STAU1: variants seen among roughly 807,000 people sequenced by gnomAD.
STAU1 encodes double-stranded RNA-binding protein Staufen homolog 1.
STAU1 carries 13 observed loss-of-function variants against 62.9 expected under a neutral mutation model. The ratio of observed to expected loss-of-function variants is 0.21; its 90% CI spans 0.13 to 0.33. STAU1 has a LOEUF of 0.33. Ranked by LOEUF, STAU1 falls within the 10% of genes least tolerant of loss-of-function variation. The pLI, the probability that STAU1 is intolerant of heterozygous loss-of-function variation, is 1.00. For missense variants in STAU1, 571 were observed against 712.1 expected (o/e 0.80, Z 2.25); for synonymous variants, 269 against 265.1 (o/e 1.01, Z -0.14).
the STAU1 span, among the ~76,000 whole-genome samples, chr20:49,206,387 A>G: frequency 2.2e-5 from 3 of 136,980 alleles, no homozygotes. Context: ...TGTCCACTCA[A>G]CTCTTCCTCT....
At chr20:49,118,222 T>C (rs891219779) in intron 10 of STAU1, 111 bp downstream of exon 10, 27 of 1,383,946 alleles carry the variant, frequency 2.0e-5, no homozygotes, top group Admixed American at 3.7e-5. Context: ...CAGGGAATGA[T>C]AAAGACACTT....
chr20:49,123,080 A>G lies in STAU1; in HGVS notation c.966+12T>C. On this transcript the variant is annotated intron_variant, in intron 8 of 13. Transcript: ENST00000371856. ...TCAGAGGAAGGGGCGCCCATCATCC[A>G]TGCGGACCCACCTGCATCACAAACT... 6.3e-7 allele frequency: 1 copy of G among 1,581,236 alleles called. No individual in the cohort carries two copies. Among genetic ancestry groups the G allele is most frequent in the Non-Finnish European group, 8.6e-7 (1 of 1,164,038 alleles).
At chr20:49,157,630 C>G (rs982143129) in intron 3 of STAU1, among the ~76,000 whole-genome samples, 2 of 152,110 alleles carry the variant, frequency 1.3e-5, no homozygotes, top group African/African-American at 4.8e-5. Context: ...CAGGCATGCA[C>G]CACCACGCCC....
In STAU1 at chr20:49,118,313, G is replaced by A. The variant is rs755489236; in HGVS notation, c.1189+20C>T. The stretch of plus-strand genomic sequence containing the variant: ...CCCAGAATCACGTTCAGAGGAAGAC[G>A]ATATTAAGATCACACTTACTAGTCC... On this transcript the variant is annotated intron_variant, in intron 10 of 13. Transcript: ENST00000371856. 5.4e-5 allele frequency: 86 copies of A among 1,602,702 alleles called. No homozygotes were observed. Among genetic ancestry groups the A allele is most frequent in the Middle Eastern group, 1.7e-4 (1 of 6,040 alleles).
At chr20:49,129,453 A>G (rs538820280) in intron 6 of STAU1, among the ~76,000 whole-genome samples, 26 of 151,106 alleles carry the variant, frequency 1.7e-4, no homozygotes, top group Admixed American at 1.6e-3. Context: ...ATGCCCACCT[A>G]ATTTTTGTAT....
At chr20:49,155,139 A>G (rs2093338076) in intron 3 of STAU1, among the ~76,000 whole-genome samples, 2 of 152,144 alleles carry the variant, frequency 1.3e-5, no homozygotes, top group African/African-American at 4.8e-5. Flanking sequence ...AAAAACACAA[A>G]GCACACTCAA....
At chr20:49,143,861 A>T (rs879094396) in intron 5 of STAU1, among the ~76,000 whole-genome samples, 1 of 152,188 alleles carries the variant, frequency 6.6e-6, no homozygotes, top group South Asian at 2.1e-4. Flanking sequence ...TACCTGAAAA[A>T]AAGCAAGGTC....
chr20:49,202,230 A>AGAAAGAAAGAAAGAAAGAAAGAAAGAAAG, the STAU1 span, among the ~76,000 whole-genome samples: 8 of 130,392 alleles, frequency 6.1e-5, no homozygotes, highest in African/African-American at 2.3e-4. Flanking sequence ...AAAAAAAAAA[A>AGAAAGAAAGAAAGAAAGAAAGAAAGAAAG]AAAGAAAGAA....
Position 49,151,395 on chromosome 20 carries a change from G to T in STAU1, c.510+187C>A, listed in dbSNP as rs114555925. Among the ~76,000 whole-genome samples the T allele has an allele frequency of 6.0e-3, 920 of 152,218 alleles. 13 individuals are homozygous for T. The highest frequency in any genetic ancestry group is 0.021 in the African/African-American group (868 of 41,540). On this transcript the variant is annotated intron_variant, in intron 5 of 13. Transcript: ENST00000371856. ...AGAAGGCAACTGACTTTCTTGTTAA[G>T]AAATTTTAAAAGGAAAAAAGGAGTA...
At chr20:49,186,982 G>C (rs890884481) in intron 1 of STAU1, among the ~76,000 whole-genome samples, 1 of 152,110 alleles carries the variant, frequency 6.6e-6, no homozygotes, top group African/African-American at 2.4e-5. Flanking sequence ...GGCGGGGCAA[G>C]GGCTTAAAAG....
intron 1 of STAU1, among the ~76,000 whole-genome samples, chr20:49,175,381 CAG>C (rs1417705062): frequency 6.6e-6 from 1 of 151,736 alleles, no homozygotes; most frequent in Non-Finnish European, 1.5e-5. Flanking sequence ...GAATATTTTG[CAG>C]AGACACATTT....
At chr20:49,195,535 C>CAAAAAAAA in the STAU1 span, among the ~76,000 whole-genome samples, 76 of 38,140 alleles carry the variant, frequency 2.0e-3, 10 homozygotes, top group Non-Finnish European at 2.5e-3. Flanking sequence ...GACTCCGTCT[C>CAAAAAAAA]AAAAAAAAAA....
chr20:49,200,326 C>A, the STAU1 span, among the ~76,000 whole-genome samples: 67 of 152,230 alleles, frequency 4.4e-4, no homozygotes, highest in South Asian at 0.012. Flanking sequence ...CGGCCAGGTG[C>A]GGTGGCTCAC....
intron 3 of STAU1, among the ~76,000 whole-genome samples, chr20:49,155,202 G>A (rs948275830): frequency 6.6e-6 from 1 of 152,168 alleles, no homozygotes; most frequent in Admixed American, 6.5e-5. Context: ...TCAGTGAGGA[G>A]GTGGCAACCC....
chr20:49,164,023 G>A (rs1211654118), intron 3 of STAU1, among the ~76,000 whole-genome samples: 3 of 152,118 alleles, frequency 2.0e-5, no homozygotes, highest in Non-Finnish European at 4.4e-5. Flanking sequence ...CTTGAGATCA[G>A]GAGTTGGAGA....
rs1196281174 is a variant in STAU1, at chr20:49,157,699, TG to T, written c.206-3629del. Among the ~76,000 whole-genome samples, 3 of 152,020 alleles carry T rather than the reference TG, an allele frequency of 2.0e-5. No individual in the cohort carries two copies. The East Asian group carries it at 5.9e-4, about 30-fold the overall frequency. Reference sequence around the variant, plus strand: ...TTCACCATGTTGGCCAGGATGGTCTTGGTCTCTTGACCTTGTGAACTGCCCG... The same window carrying T: ...TTCACCATGTTGGCCAGGATGGTCTTGTCTCTTGACCTTGTGAACTGCCCG... On this transcript the variant is annotated intron_variant, in intron 3 of 13. Transcript: ENST00000371856.
At chr20:49,118,208 G>T in intron 10 of STAU1, 112 bp from the exon 11 acceptor site, 1 of 1,369,696 alleles carries the variant, frequency 7.3e-7, no homozygotes, top group Non-Finnish European at 1.0e-6. Flanking sequence ...GCAGCGCAGG[G>T]AATCAGGGAA....
intron 1 of STAU1, among the ~76,000 whole-genome samples, chr20:49,182,499 A>G (rs1020040016): frequency 6.6e-6 from 1 of 152,210 alleles, no homozygotes; most frequent in Non-Finnish European, 1.5e-5. Flanking sequence ...TTTGGCCAAC[A>G]TTATTCAAGC....
intron 1 of STAU1, among the ~76,000 whole-genome samples, chr20:49,181,874 A>C (rs1205955918): frequency 6.6e-6 from 1 of 151,298 alleles, no homozygotes; most frequent in Non-Finnish European, 1.5e-5. Flanking sequence ...GTATTTAAAT[A>C]GATTTTCTTA....
Sources: gnomAD v4.1 joint callset for allele counts (sites outside exome capture counted in the v4.1 genomes callset) on GRCh38, gnomAD v4.1.1 for gene constraint, MANE v1.5 for transcripts, NCBI Gene and HGNC (gene_info 2026-07-23, HGNC 2026-07-21) for gene names.